PCDHA7: variants seen among roughly 807,000 people sequenced by gnomAD.
PCDHA7 encodes the protein protocadherin alpha 7, also known as protocadherin alpha-7.
A neutral mutation model predicts 57.2 loss-of-function variants in PCDHA7; 37 were observed. That is an observed-to-expected ratio of 0.65 (90% CI 0.50 to 0.85). The LOEUF is 0.85. Among genes scored for constraint, PCDHA7 ranks in the 40% least tolerant of loss-of-function variants. The pLI, the probability that PCDHA7 is intolerant of heterozygous loss-of-function variation, is 0.00. For synonymous variants in PCDHA7, 553 were observed against 558.8 expected (o/e 0.99, Z 0.15); for missense variants, 1,188 against 1,241.8 (o/e 0.96, Z 0.65).
chr5:140,972,733 G>A (rs1037610917), intron 1 of PCDHA7, among the ~76,000 whole-genome samples: 7 of 147,652 alleles, frequency 4.7e-5, no homozygotes, highest in Non-Finnish European at 7.4e-5. Context: ...GCGTAATCCC[G>A]GCTCACTGCA....
chr5:141,001,401 G>A (rs190876782), intron 3 of PCDHA7, among the ~76,000 whole-genome samples: 12 of 152,314 alleles, frequency 7.9e-5, no homozygotes, highest in African/African-American at 2.4e-4. Context: ...AGAGAACAGG[G>A]AGTATATTTT....
At position 140,841,443 on chromosome 5, in the gene PCDHA7, A is replaced by G. The variant is rs2150315650; in HGVS notation, c.2355+4705A>G. 1.2e-6 allele frequency: 2 copies of G among 1,612,892 alleles called. 1 individual carries two copies. Among genetic ancestry groups the G allele is most frequent in the Non-Finnish European group, 1.7e-6 (2 of 1,179,848 alleles). On this transcript the variant is annotated intron_variant, in intron 1 of 3. Transcript: ENST00000525929. ...TACTCCGTCCCCGAGGAGGCCAAAC[A>G]CGGCACCTTCGTGGGCCGGATCGCG...
At chr5:140,872,392 T>C (rs2053635930) in intron 1 of PCDHA7, among the ~76,000 whole-genome samples, 1 of 152,152 alleles carries the variant, frequency 6.6e-6, no homozygotes, top group African/African-American at 2.4e-5. Flanking sequence ...TTTGGGAGGC[T>C]GAGGCAGGAG....
chr5:140,910,281 A>G (rs1198162778), intron 1 of PCDHA7, among the ~76,000 whole-genome samples: 4 of 151,152 alleles, frequency 2.6e-5, no homozygotes, highest in East Asian at 2.0e-4. Context: ...TAGGAACACC[A>G]TGATTAATCA....
chr5:140,909,442 A>T (rs1345461412), intron 1 of PCDHA7, among the ~76,000 whole-genome samples: 11 of 152,234 alleles, frequency 7.2e-5, no homozygotes, highest in African/African-American at 2.7e-4. Context: ...ATCCACTGTC[A>T]TTCTCCAAGA....
Position 140,856,069 on chromosome 5 carries a change from C to A in PCDHA7, c.2355+19331C>A, listed in dbSNP as rs149846721. ...ATAAGATGGTTTCCAGATGTAGCTG[C>A]CTGGGGGTCCAGTGTCTGCTGCTCT... On this transcript the variant is annotated intron_variant, in intron 1 of 3. Coordinates refer to ENST00000525929, the MANE Select transcript of PCDHA7 (RefSeq NM_018910.3). 5 of 1,591,600 alleles carry A rather than the reference C, an allele frequency of 3.1e-6. 1 individual carries two copies. Among genetic ancestry groups the A allele is most frequent in the Non-Finnish European group, 4.3e-6 (5 of 1,163,516 alleles).
chr5:140,931,319 T>A (rs1237988294), intron 1 of PCDHA7, among the ~76,000 whole-genome samples: 3 of 152,086 alleles, frequency 2.0e-5, no homozygotes, highest in Non-Finnish European at 4.4e-5. Flanking sequence ...ATACCAGTAA[T>A]GGCTGTAAAG....
intron 1 of PCDHA7, among the ~76,000 whole-genome samples, chr5:140,935,686 C>T (rs943427521): frequency 3.3e-5 from 5 of 152,108 alleles, no homozygotes; most frequent in Non-Finnish European, 7.4e-5. Flanking sequence ...ATTTACATGG[C>T]TCCAAAATAA....
In PCDHA7 at chr5:140,969,339, A is replaced by G. The variant is rs1563390643; in HGVS notation, c.2356-9610A>G. On this transcript the variant is annotated intron_variant, in intron 1 of 3. Transcript: ENST00000525929. ...GCTGTTTCTCAAAATGAGGTGAGAC[A>G]GTGGTCAGGGGGTCTTCTACAAACT... 5 of 1,613,830 alleles carry G rather than the reference A, an allele frequency of 3.1e-6. No homozygotes were observed. The South Asian group carries it at 4.4e-5, about 14-fold the overall frequency.
At chr5:140,917,157 G>A (rs77234668) in intron 1 of PCDHA7, among the ~76,000 whole-genome samples, 2,784 of 152,240 alleles carry the variant, frequency 0.018, 84 homozygotes, top group African/African-American at 0.063. Context: ...TGGGGGATAT[G>A]GGAGGGGTGA....
intron 1 of PCDHA7, among the ~76,000 whole-genome samples, chr5:140,908,084 T>G (rs2073791096): frequency 6.6e-6 from 1 of 152,202 alleles, no homozygotes; most frequent in Non-Finnish European, 1.5e-5. Context: ...CACAACCAGG[T>G]GCACTGATTG....
chr5:141,004,414 C>A (rs2153980954), intron 3 of PCDHA7, among the ~76,000 whole-genome samples: 1 of 152,330 alleles, frequency 6.6e-6, no homozygotes, highest in Non-Finnish European at 1.5e-5. Context: ...CTGACTAGAT[C>A]TCTGCCTCCT....
intron 1 of PCDHA7, chr5:140,968,051 C>T (rs1353005851): frequency 1.2e-6 from 2 of 1,614,018 alleles, no homozygotes; most frequent in African/African-American, 1.3e-5. Flanking sequence ...CCCACTGGAC[C>T]GAGAGCGGGT....
chr5:140,856,776 G>C (rs782634261), intron 1 of PCDHA7: 3 of 1,596,678 alleles, frequency 1.9e-6, no homozygotes, highest in Non-Finnish European at 1.7e-6. Flanking sequence ...ATCTTTGACA[G>C]ACCGGTTTAT....
intron 3 of PCDHA7, among the ~76,000 whole-genome samples, chr5:140,991,053 A>G (rs2097429648): frequency 6.6e-6 from 1 of 152,220 alleles, no homozygotes; most frequent in Non-Finnish European, 1.5e-5. Context: ...TGAGAGAAGT[A>G]CATTATTATT....
intron 3 of PCDHA7, among the ~76,000 whole-genome samples, chr5:140,992,594 G>A (rs782416770): frequency 2.6e-5 from 4 of 152,148 alleles, no homozygotes; most frequent in Non-Finnish European, 2.9e-5. Flanking sequence ...TGCATCTAGC[G>A]TCTGTGTCTA....
At chr5:140,877,816 GATT>G (rs2057354449) in intron 1 of PCDHA7, 1 of 1,609,196 alleles carries the variant, frequency 6.2e-7, no homozygotes, top group East Asian at 2.2e-5. Flanking sequence ...GTCTCGAGAA[GATT>G]GTTTAAATCC....
At chr5:140,960,680 G>A (rs192174088) in intron 1 of PCDHA7, among the ~76,000 whole-genome samples, 2 of 152,162 alleles carry the variant, frequency 1.3e-5, no homozygotes, top group African/African-American at 4.8e-5. Context: ...AAACCTACTT[G>A]GGAATGAGGG....
intron 1 of PCDHA7, among the ~76,000 whole-genome samples, chr5:140,975,698 T>C (rs1298498012): frequency 6.6e-6 from 1 of 152,202 alleles, no homozygotes; most frequent in Non-Finnish European, 1.5e-5. Flanking sequence ...TTTAAACTTA[T>C]TTTACTTTAA....
Sources: gnomAD v4.1 joint callset for allele counts (sites outside exome capture counted in the v4.1 genomes callset) on GRCh38, gnomAD v4.1.1 for gene constraint, MANE v1.5 for transcripts, NCBI Gene and HGNC (gene_info 2026-07-23, HGNC 2026-07-21) for gene names.